The following NOSTRIN variants were observed in gnomAD, a reference collection of about 807,000 sequenced individuals.
NOSTRIN encodes the protein nitric oxide synthase trafficking.
Under a neutral mutation model 59.0 loss-of-function variants are expected in NOSTRIN, and 63 were observed. The observed-to-expected ratio is 1.07, with a 90% CI of 0.87 to 1.32. The LOEUF is 1.32. Ranked by LOEUF, NOSTRIN falls within the 40% of genes most tolerant of loss-of-function variation. NOSTRIN has a pLI of 0.00. For missense variants in NOSTRIN, 512 were observed against 473.1 expected, an observed-to-expected ratio of 1.08 and a Z score of -0.76; for synonymous variants, 200 against 165.4, an observed-to-expected ratio of 1.21 and a Z score of -1.61.
chr2:168,830,663 C>G (rs1687310290), intron 5 of NOSTRIN, among the ~76,000 whole-genome samples: 1 of 152,202 alleles, frequency 6.6e-6, no homozygotes, highest in South Asian at 2.1e-4. Context: ...TTATTACTGT[C>G]TCTTTGGCTG....
chr2:168,803,656 G>A (rs1685705442), intron 1 of NOSTRIN, among the ~76,000 whole-genome samples: 1 of 152,170 alleles, frequency 6.6e-6, no homozygotes, highest in South Asian at 2.1e-4. Flanking sequence ...TAAATGACTA[G>A]TAATTTTAAT....
chr2:168,840,473 T>C (rs1688013935), intron 7 of NOSTRIN, among the ~76,000 whole-genome samples: 2 of 136,474 alleles, frequency 1.5e-5, no homozygotes, highest in South Asian at 4.5e-4. Flanking sequence ...GAGCTTGCAG[T>C]GAGCTGAGAT....
intron 2 of NOSTRIN, among the ~76,000 whole-genome samples, chr2:168,789,934 G>A (rs1685305064): frequency 6.6e-6 from 1 of 152,174 alleles, no homozygotes; most frequent in African/African-American, 2.4e-5. Flanking sequence ...CCTCACTGGG[G>A]CACCCACAGG....
At position 168,811,598 on chromosome 2, in the gene NOSTRIN, T is replaced by G; in HGVS notation, c.59T>G (p.Phe20Cys). 1.2e-6 allele frequency: 1 copy of G among 863,578 alleles called. No individual in the cohort carries two copies. Among genetic ancestry groups the G allele is most frequent in the South Asian group, 1.3e-5 (1 of 74,158 alleles). The allele number at this position is 863,578 out of a possible 1,614,324, so 53.5% of individuals were successfully genotyped here. Reference sequence around the variant, plus strand: ...AAAGTATACAAGAACCTAAAGGAGTTTTCTCAAAATGGAGAGAATTTCTGC... The same window carrying G: ...AAAGTATACAAGAACCTAAAGGAGTGTTCTCAAAATGGAGAGAATTTCTGC... Reference protein sequence around the residue: ...YNKVYKNLKEFSQNGENFCKQ... With the variant: ...YNKVYKNLKECSQNGENFCKQ... Residue 20 changes from phenylalanine to cysteine, a missense_variant, in exon 2 of 16, where the codon TTT becomes TGT. Coordinates refer to ENST00000317647, the MANE Select transcript of NOSTRIN (RefSeq NM_001039724.4).
chr2:168,818,825 T>C (rs1167757664), intron 2 of NOSTRIN, among the ~76,000 whole-genome samples: 1 of 132,410 alleles, frequency 7.6e-6, no homozygotes, highest in Non-Finnish European at 1.6e-5. Flanking sequence ...CAGAACCTTT[T>C]TTAGCATATT....
At chr2:168,827,452 C>A (rs1687117721) in intron 3 of NOSTRIN, among the ~76,000 whole-genome samples, 1 of 152,208 alleles carries the variant, frequency 6.6e-6, no homozygotes, top group Non-Finnish European at 1.5e-5. Context: ...CCCTTTATCA[C>A]TTAACTTTTC....
At chr2:168,795,268 A>G (rs1277998842), upstream of NOSTRIN, among the ~76,000 whole-genome samples, 1 of 152,256 alleles carries the variant, frequency 6.6e-6, no homozygotes, top group African/African-American at 2.4e-5. Flanking sequence ...ATTCTAGTGT[A>G]CATTTAAATT....
chr2:168,860,428 T>C (rs1182330465), intron 13 of NOSTRIN, among the ~76,000 whole-genome samples: 2 of 152,126 alleles, frequency 1.3e-5, no homozygotes, highest in African/African-American at 2.4e-5. Context: ...CCCAGAACTT[T>C]GGGAGGCCAA....
upstream of NOSTRIN, among the ~76,000 whole-genome samples, chr2:168,800,196 C>G (rs1458461505): frequency 2.0e-5 from 3 of 152,140 alleles, no homozygotes; most frequent in Non-Finnish European, 4.4e-5. Context: ...TCTGCCAAGC[C>G]CTGTGTAGAT....
At chr2:168,834,499 G>A (rs1446222024) in intron 7 of NOSTRIN, among the ~76,000 whole-genome samples, 174 bp downstream of exon 7, 77 of 28,596 alleles carry the variant, frequency 2.7e-3, no homozygotes, top group East Asian at 0.015. Flanking sequence ...GTGCGCGCGC[G>A]CGCGCGCGCA....
At chr2:168,806,580 T>C (rs955639665) in intron 1 of NOSTRIN, among the ~76,000 whole-genome samples, 3 of 152,136 alleles carry the variant, frequency 2.0e-5, no homozygotes. Flanking sequence ...GAGAAGGGGT[T>C]ATTATTTTTT....
chr2:168,845,118 C>CATAA (rs1364216475), intron 8 of NOSTRIN, among the ~76,000 whole-genome samples: 1 of 152,132 alleles, frequency 6.6e-6, no homozygotes, highest in African/African-American at 2.4e-5. Context: ...CACCTTTGAA[C>CATAA]ATAAGCTCCG....
intron 7 of NOSTRIN, among the ~76,000 whole-genome samples, chr2:168,839,673 G>A (rs1437525114): frequency 6.6e-6 from 1 of 151,958 alleles, no homozygotes; most frequent in African/African-American, 2.4e-5. Flanking sequence ...CAGCACTTCG[G>A]GAGGCTGAGG....
At chr2:168,863,709 A>ATGCAGAGACATTG (rs1370919411) in intron 15 of NOSTRIN, 14 of 924,430 alleles carry the variant, frequency 1.5e-5, no homozygotes, top group Non-Finnish European at 1.8e-5. Flanking sequence ...ATCAGGGATA[A>ATGCAGAGACATTG]TGCAGAGACA....
intron 7 of NOSTRIN, among the ~76,000 whole-genome samples, chr2:168,834,532 C>CACACACACACACACAT (rs1687603975): frequency 6.6e-6 from 1 of 151,142 alleles, no homozygotes; most frequent in African/African-American, 2.4e-5. Context: ...CACACACACA[C>CACACACACACACACAT]ACACACACAC....
At chr2:168,863,690 GC>G in intron 15 of NOSTRIN, 10 of 981,134 alleles carry the variant, frequency 1.0e-5, no homozygotes, top group Non-Finnish European at 1.2e-5. Flanking sequence ...TAAACTTTTG[GC>G]CTGTGAAATC....
rs538596711 is a variant in NOSTRIN, at chr2:168,838,520, G to A, written c.504+4195G>A. Among the ~76,000 whole-genome samples the A allele has an allele frequency of 1.8e-3, 277 of 152,164 alleles. 1 individual carries two copies. The highest frequency in any genetic ancestry group is 6.4e-3 in the African/African-American group (264 of 41,508). ...CTCCCAAAATACTGGGATTACAGGC[G>A]CGAGCCACCGTGCCCAGCCCCAAAT... is the stretch of plus-strand genomic sequence containing the variant. On this transcript the variant is annotated intron_variant, in intron 7 of 15. Coordinates refer to ENST00000317647, the MANE Select transcript of NOSTRIN (RefSeq NM_001039724.4).
intron 14 of NOSTRIN, 114 bp from the exon 15 acceptor site, chr2:168,861,845 AG>A: frequency 1.1e-6 from 1 of 933,262 alleles, no homozygotes. Flanking sequence ...TTTCCTTTTG[AG>A]AAAAATTTAA....
At chr2:168,837,244 G>A (rs1318734845) in intron 7 of NOSTRIN, among the ~76,000 whole-genome samples, 1 of 135,356 alleles carries the variant, frequency 7.4e-6, no homozygotes, top group Non-Finnish European at 1.6e-5. Context: ...TCCAGATATT[G>A]TCATGTCTCC....
Sources: allele counts gnomAD v4.1 joint callset (sites outside exome capture counted in the v4.1 genomes callset), GRCh38; gene constraint gnomAD v4.1.1; transcripts MANE v1.5; gene names NCBI Gene and HGNC (gene_info 2026-07-23, HGNC 2026-07-21).